Variants in DIAPH2 observed in about 807,000 individuals in gnomAD.
DIAPH2 encodes diaphanous related formin 2.
In DIAPH2, 35 loss-of-function variants were observed where a neutral mutation model predicts 92.7. The observed-to-expected ratio is 0.38, with a 90% confidence interval of 0.29 to 0.50. The LOEUF (loss-of-function observed/expected upper bound fraction) is 0.50. Ranked by LOEUF, DIAPH2 falls within the 20% of genes least tolerant of loss-of-function variation. DIAPH2 has a pLI of 0.94. For missense variants in DIAPH2, 701 were observed against 819.5 expected (o/e 0.86, Z 1.77); for synonymous variants, 301 against 280.4 (o/e 1.07, Z -0.73).
chrX:96,758,368 TAG>T (rs1602484132), intron 4 of DIAPH2, 110 bp downstream of exon 4: 7 of 514,477 alleles, frequency 1.4e-5, no homozygotes, highest in Middle Eastern at 3.5e-4. Context: ...TGTACTCATA[TAG>T]ACTGTTCAGA....
chrX:97,463,972 G>A (rs1279197483), intron 26 of DIAPH2, among the ~76,000 whole-genome samples: 3 of 110,536 alleles, frequency 2.7e-5, no homozygotes, highest in Non-Finnish European at 5.7e-5. Context: ...ACAAACTAAA[G>A]GGAGGAATCA....
intron 10 of DIAPH2, 124 bp from the exon 11 acceptor site, chrX:96,937,109 C>T: frequency 5.7e-6 from 2 of 351,083 alleles, no homozygotes; most frequent in Non-Finnish European, 9.7e-6. Context: ...AAACCAAGTG[C>T]CCGCATAAAT....
intron 26 of DIAPH2, among the ~76,000 whole-genome samples, chrX:97,490,284 G>T (rs1006870553): frequency 2.5e-4 from 26 of 103,785 alleles, no homozygotes; most frequent in Non-Finnish European, 5.0e-4. Flanking sequence ...TTCTGATTTT[G>T]AATCTTTTTT....
intron 4 of DIAPH2, among the ~76,000 whole-genome samples, chrX:96,870,727 A>T (rs762089780): frequency 8.9e-6 from 1 of 111,849 alleles, no homozygotes; most frequent in East Asian, 2.8e-4. Context: ...ATTTTGTCTG[A>T]TAGCACTTAC....
intron 17 of DIAPH2, among the ~76,000 whole-genome samples, chrX:96,971,900 C>T (rs147499251): frequency 3.4e-4 from 38 of 111,930 alleles, no homozygotes; most frequent in Middle Eastern, 4.7e-3. Context: ...TCTTTTGTAA[C>T]ACACAGTAAC....
chrX:96,783,308 G>T (rs1264357991), intron 4 of DIAPH2, among the ~76,000 whole-genome samples: 1 of 112,230 alleles, frequency 8.9e-6, no homozygotes, highest in African/African-American at 3.2e-5. Context: ...AGAGAAAAAG[G>T]CATGTTCTGG....
chrX:96,824,530 A>G (rs1311760974), intron 4 of DIAPH2, among the ~76,000 whole-genome samples: 3 of 111,346 alleles, frequency 2.7e-5, no homozygotes, highest in Non-Finnish European at 3.8e-5. Context: ...GCTTTAGATA[A>G]TATATTCAGA....
chrX:96,694,466 G>A (rs1363413437), intron 1 of DIAPH2, among the ~76,000 whole-genome samples: 2 of 109,650 alleles, frequency 1.8e-5, no homozygotes, highest in Non-Finnish European at 3.8e-5. Context: ...TCAGCCTCCC[G>A]AGTACCTGGG....
chrX:97,599,677 C>CA lies in DIAPH2; in HGVS notation c.*361dup. On this transcript the variant is annotated 3_prime_UTR_variant, in exon 27 of 27. Transcript: ENST00000324765. ...AAATCTTAAATGTGTAAGTCACCCC[C>CA]ACCAAAAACAAAAGAGAAGAAAAAG... The CA allele has an allele frequency of 1.0e-5, 1 of 99,204 alleles. No individual in the cohort carries two copies. Among genetic ancestry groups the CA allele is most frequent in the Non-Finnish European group, 1.9e-5 (1 of 53,290 alleles). The allele number at this position is 99,204 out of a possible 1,213,427, so 8.2% of individuals were successfully genotyped here.
chrX:96,785,798 G>A (rs2064452449), intron 4 of DIAPH2, among the ~76,000 whole-genome samples: 2 of 110,599 alleles, frequency 1.8e-5, no homozygotes, highest in Non-Finnish European at 3.8e-5. Context: ...CTTATATAAT[G>A]GGATTAGCCT....
In DIAPH2 at chrX:97,301,150, C is replaced by CAA. The variant is rs1220185711; in HGVS notation, c.2845-46946_2845-46945dup. ...TAGGCCACAGAGCGAGACTCCGTCT[C>CAA]AAAAAAAAAAAAAAAAAAAAAGAAA... On this transcript the variant is annotated intron_variant, in intron 23 of 26. Coordinates refer to ENST00000324765, the MANE Select transcript of DIAPH2 (RefSeq NM_006729.5). Among the ~76,000 whole-genome samples the CAA allele has an allele frequency of 1.0e-2, 314 of 31,510 alleles. 3 individuals carry two copies. Among genetic ancestry groups the CAA allele is most frequent in the African/African-American group, 0.025 (227 of 9,034 alleles). The allele number at this position is 31,510 out of a possible 115,157, so 27.4% of individuals were successfully genotyped here.
chrX:97,493,465 T>C (rs1334116297), intron 26 of DIAPH2, among the ~76,000 whole-genome samples: 2 of 110,960 alleles, frequency 1.8e-5, no homozygotes, highest in Non-Finnish European at 3.8e-5. Context: ...TTCTCCATGT[T>C]AGTCAGGCTG....
At chrX:97,268,497 G>A (rs939271228) in intron 23 of DIAPH2, among the ~76,000 whole-genome samples, 1 of 112,238 alleles carries the variant, frequency 8.9e-6, no homozygotes, top group Non-Finnish European at 1.9e-5. Context: ...ACCTAAAAAC[G>A]ACTGTATTAA....
chrX:97,569,583 C>A (rs1358612891), intron 26 of DIAPH2, among the ~76,000 whole-genome samples: 5 of 110,961 alleles, frequency 4.5e-5, no homozygotes, highest in Non-Finnish European at 7.6e-5. Flanking sequence ...ATGGTTCAGG[C>A]CCATCAAAAT....
At chrX:97,463,274 C>CTTTTT (rs34254892) in intron 26 of DIAPH2, among the ~76,000 whole-genome samples, 1 of 92,293 alleles carries the variant, frequency 1.1e-5, no homozygotes, top group Non-Finnish European at 2.1e-5. Context: ...TATCTGAATC[C>CTTTTT]TTTTTTTTTT....
At chrX:96,711,884 A>G (rs915277456) in intron 1 of DIAPH2, among the ~76,000 whole-genome samples, 1 of 111,551 alleles carries the variant, frequency 9.0e-6, no homozygotes, top group African/African-American at 3.3e-5. Context: ...GTTCTTGCAC[A>G]GGGTGGACTT....
chrX:97,202,660 C>G (rs1352078943), intron 22 of DIAPH2, among the ~76,000 whole-genome samples: 1 of 111,689 alleles, frequency 9.0e-6, no homozygotes, highest in African/African-American at 3.3e-5. Flanking sequence ...GCACTCAATA[C>G]AGGAGCAACC....
intron 17 of DIAPH2, among the ~76,000 whole-genome samples, chrX:97,031,689 TG>T (rs1011622289): frequency 9.0e-6 from 1 of 111,215 alleles, no homozygotes; most frequent in Non-Finnish European, 1.9e-5. Context: ...GCAAGGATAG[TG>T]GGGAAGATAG....
chrX:97,344,073 T>A (rs758131637), intron 23 of DIAPH2, among the ~76,000 whole-genome samples: 52 of 112,155 alleles, frequency 4.6e-4, no homozygotes, highest in African/African-American at 1.6e-3. Context: ...AGGTATATAA[T>A]AAGTGATAAA....
Sources: allele counts gnomAD v4.1 joint callset (sites outside exome capture counted in the v4.1 genomes callset), GRCh38; gene constraint gnomAD v4.1.1; transcripts MANE v1.5; gene names NCBI Gene and HGNC (gene_info 2026-07-23, HGNC 2026-07-21).